Variants in NEK6 observed in about 807,000 individuals in gnomAD.
NEK6 encodes the protein NIMA related kinase 6, also known as serine/threonine-protein kinase Nek6.
NEK6 carries 27 observed loss-of-function variants against 43.5 expected under a neutral mutation model. The ratio of observed to expected loss-of-function variants is 0.62; its 90% CI spans 0.46 to 0.86. NEK6 has a LOEUF of 0.86. NEK6 is among the 40% of genes least tolerant of loss of function. The probability of loss-of-function intolerance (pLI) is 0.00; values close to 1 mark genes in which losing one functional copy is unlikely to be tolerated. For missense variants in NEK6, 318 were observed against 414.4 expected (o/e 0.77, Z 2.02); for synonymous variants, 167 against 164.1 (o/e 1.02, Z -0.14).
At chr9:124,311,887 G>A (rs1202148729) in intron 2 of NEK6, among the ~76,000 whole-genome samples, 6 of 152,130 alleles carry the variant, frequency 3.9e-5, no homozygotes, top group Admixed American at 1.3e-4. Context: ...ACAGGGTTTC[G>A]CCATGTTGGC....
Position 124,310,017 on chromosome 9 carries a change from A to G in NEK6, c.91-2492A>G, listed in dbSNP as rs1023237497. On this transcript the variant is annotated intron_variant, in intron 2 of 9. Transcript: ENST00000320246. ...AGGGCTCAGGTGACTGAAAGAATGG[A>G]GGCTGGAGCAGGAAGTGGCAGGCCT... 3.3e-5 allele frequency among the ~76,000 whole-genome samples: 5 copies of G among 152,122 alleles called. No homozygotes were observed. The East Asian group carries it at 9.7e-4, about 29-fold the overall frequency.
chr9:124,319,983 AC>A (rs1833987024), intron 4 of NEK6, among the ~76,000 whole-genome samples: 1 of 152,220 alleles, frequency 6.6e-6, no homozygotes, highest in African/African-American at 2.4e-5. Flanking sequence ...AGGTTCTTCC[AC>A]AGGGGAGCCT....
intron 1 of NEK6, among the ~76,000 whole-genome samples, chr9:124,294,453 T>C (rs528284159): frequency 2.6e-5 from 4 of 151,272 alleles, no homozygotes; most frequent in African/African-American, 9.7e-5. Flanking sequence ...GATCGCGCCA[T>C]TGCACTCAAG....
At chr9:124,276,510 G>C (rs1831656878) in intron 1 of NEK6, among the ~76,000 whole-genome samples, 1 of 152,162 alleles carries the variant, frequency 6.6e-6, no homozygotes, top group Non-Finnish European at 1.5e-5. Context: ...ATGAGCCCGT[G>C]GTACATCGAA....
At chr9:124,294,882 G>C (rs886907181) in intron 1 of NEK6, among the ~76,000 whole-genome samples, 1 of 152,194 alleles carries the variant, frequency 6.6e-6, no homozygotes, top group Non-Finnish European at 1.5e-5. Flanking sequence ...GTAACTGTAG[G>C]GACCCAATGA....
At chr9:124,267,715 G>A (rs1004306046) in intron 1 of NEK6, among the ~76,000 whole-genome samples, 1 of 152,206 alleles carries the variant, frequency 6.6e-6, no homozygotes, top group African/African-American at 2.4e-5. Context: ...CTGTGACCAG[G>A]TTTCATGATG....
intron 4 of NEK6, among the ~76,000 whole-genome samples, chr9:124,319,110 G>A (rs562725828): frequency 4.6e-5 from 7 of 151,892 alleles, no homozygotes; most frequent in Admixed American, 3.3e-4. Context: ...CCAACCTCTC[G>A]AGTAGCTGTG....
intron 1 of NEK6, among the ~76,000 whole-genome samples, chr9:124,286,018 A>G (rs888879266): frequency 1.3e-5 from 2 of 152,210 alleles, no homozygotes; most frequent in African/African-American, 4.8e-5. Context: ...TCAGCAAGTC[A>G]TTGGGGCAGC....
rs1449077300 is a variant in NEK6 at position 124,306,598 on chromosome 9, A to G, written c.90+4544A>G. Among the ~76,000 whole-genome samples the G allele has an allele frequency of 5.9e-5, 9 of 152,262 alleles. No individual in the cohort carries two copies. The South Asian group carries it at 1.9e-3, about 32-fold the overall frequency. ...TGCAGGGAAGGAAGCTGATGTCATA[A>G]TCTGCCATCGCACCGTCAAGGGGCA... On this transcript the variant is annotated intron_variant, in intron 2 of 9. Transcript: ENST00000320246.
intron 4 of NEK6, among the ~76,000 whole-genome samples, chr9:124,319,103 A>G (rs1160161403): frequency 6.6e-6 from 1 of 151,818 alleles, no homozygotes; most frequent in Non-Finnish European, 1.5e-5. Flanking sequence ...TCCTGCCCCA[A>G]CCTCTCGAGT....
chr9:124,347,851 C>T (rs1483042969), intron 9 of NEK6, 29 bp downstream of exon 9: 4 of 1,472,602 alleles, frequency 2.7e-6, no homozygotes, highest in Non-Finnish European at 2.8e-6. Context: ...GAGGCCTCGC[C>T]AGCCCCAGGA....
At chr9:124,334,125 C>T (rs995123933) in intron 7 of NEK6, among the ~76,000 whole-genome samples, 2 of 152,174 alleles carry the variant, frequency 1.3e-5, no homozygotes, top group African/African-American at 4.8e-5. Context: ...CTGAATACTT[C>T]CTGGGACAGG....
In NEK6 at chr9:124,302,455, A is replaced by G. The variant is rs1010999341; in HGVS notation, c.90+401A>G. On this transcript the variant is annotated intron_variant, in intron 2 of 9. Coordinates refer to ENST00000320246, the MANE Select transcript of NEK6 (RefSeq NM_014397.6). ...AGAAAATTCTTTCTTACAGTGAGCC[A>G]ACATTGCCTCCCATTTTGGTCTTAA... Among the ~76,000 whole-genome samples the G allele has an allele frequency of 3.3e-5, 5 of 152,342 alleles. No individual in the cohort carries two copies. In the South Asian group the frequency reaches 1.0e-3, roughly 32 times the overall value.
chr9:124,272,079 G>C (rs35956754), intron 1 of NEK6, among the ~76,000 whole-genome samples: 47,614 of 152,176 alleles, frequency 0.31, 7,781 homozygotes, highest in South Asian at 0.37. Context: ...ATCTATTGTG[G>C]TAAGGGTGTA....
intron 1 of NEK6, among the ~76,000 whole-genome samples, chr9:124,300,740 G>A (rs777355665): frequency 6.6e-6 from 1 of 152,190 alleles, no homozygotes; most frequent in African/African-American, 2.4e-5. Flanking sequence ...GCCCCGACCT[G>A]AGACGGGACT....
At chr9:124,292,084 A>G (rs1832447800) in intron 1 of NEK6, 2 of 1,045,694 alleles carry the variant, frequency 1.9e-6, no homozygotes, top group Non-Finnish European at 1.2e-6. Context: ...GAGCCACTTC[A>G]AAAGGTACCC....
At chr9:124,276,106 G>T (rs1831640362) in intron 1 of NEK6, among the ~76,000 whole-genome samples, 4 of 152,152 alleles carry the variant, frequency 2.6e-5, no homozygotes, top group Admixed American at 2.6e-4. Flanking sequence ...GGGGAACGGG[G>T]CTGTCCTGGG....
At chr9:124,330,745 A>G (rs1828938036) in intron 7 of NEK6, among the ~76,000 whole-genome samples, 1 of 152,156 alleles carries the variant, frequency 6.6e-6, no homozygotes, top group African/African-American at 2.4e-5. Flanking sequence ...GGACAGACAC[A>G]GTCCATGCCA....
intron 1 of NEK6, among the ~76,000 whole-genome samples, chr9:124,263,956 T>C (rs1185805331): frequency 6.6e-6 from 1 of 152,224 alleles, no homozygotes; most frequent in African/African-American, 2.4e-5. Context: ...CGGTGTGTTA[T>C]GAAGCAAGGC....
Sources: gnomAD v4.1 joint callset for allele counts (sites outside exome capture counted in the v4.1 genomes callset) on GRCh38, gnomAD v4.1.1 for gene constraint, MANE v1.5 for transcripts, NCBI Gene and HGNC (gene_info 2026-07-23, HGNC 2026-07-21) for gene names.